FMNL2: variants seen among roughly 807,000 people sequenced by gnomAD.
FMNL2 encodes formin-like protein 2.
Under a neutral mutation model 130.2 loss-of-function variants are expected in FMNL2, and 51 were observed. The observed-to-expected ratio is 0.39, with a 90% CI of 0.31 to 0.49. The LOEUF is 0.49. Among genes scored for constraint, FMNL2 ranks in the 20% least tolerant of loss-of-function variants. FMNL2 has a pLI of 0.85. For synonymous variants in FMNL2, 465 were observed against 467.1 expected (o/e 1.00, Z 0.06); for missense variants, 977 against 1,316.2 (o/e 0.74, Z 3.99).
intron 1 of FMNL2, among the ~76,000 whole-genome samples, chr2:152,437,277 G>A (rs1408184808): frequency 1.3e-5 from 2 of 152,158 alleles, no homozygotes; most frequent in Non-Finnish European, 2.9e-5. Context: ...TATGGATACT[G>A]TGGAGCTAGA....
chr2:152,421,453 C>G (rs1686917960), intron 1 of FMNL2, among the ~76,000 whole-genome samples: 1 of 152,192 alleles, frequency 6.6e-6, no homozygotes, highest in Non-Finnish European at 1.5e-5. Context: ...TGGGGAAACT[C>G]AAGTGCAATT....
chr2:152,417,226 A>G (rs1452617931), intron 1 of FMNL2, among the ~76,000 whole-genome samples: 1 of 152,214 alleles, frequency 6.6e-6, no homozygotes, highest in Admixed American at 6.5e-5. Flanking sequence ...TTGATCTGTG[A>G]ATGGATGCCC....
chr2:152,335,957 C>A (rs141155106), intron 1 of FMNL2, among the ~76,000 whole-genome samples: 1 of 152,034 alleles, frequency 6.6e-6, no homozygotes, highest in African/African-American at 2.4e-5. Flanking sequence ...GGCTGCCCAA[C>A]CAGCCTCGAA....
intron 1 of FMNL2, among the ~76,000 whole-genome samples, chr2:152,480,470 A>G (rs1448375019): frequency 1.3e-5 from 2 of 151,916 alleles, no homozygotes; most frequent in African/African-American, 2.4e-5. Context: ...CCCCGTCTCT[A>G]CTAAAACTAC....
chr2:152,610,043 T>TG (rs1698595411), intron 10 of FMNL2, among the ~76,000 whole-genome samples: 1 of 152,154 alleles, frequency 6.6e-6, no homozygotes, highest in Non-Finnish European at 1.5e-5. Flanking sequence ...GGTGAAGTTG[T>TG]GGGGAGAAAG....
chr2:152,441,414 G>A (rs1211990020), intron 1 of FMNL2, among the ~76,000 whole-genome samples: 1 of 152,192 alleles, frequency 6.6e-6, no homozygotes, highest in Non-Finnish European at 1.5e-5. Context: ...GTGCATGCAT[G>A]TAGTGCTAGC....
At chr2:152,442,323 C>T (rs1688096014) in intron 1 of FMNL2, among the ~76,000 whole-genome samples, 1 of 151,486 alleles carries the variant, frequency 6.6e-6, no homozygotes, top group Admixed American at 6.6e-5. Context: ...GCGATCTTGG[C>T]TTACTGCGAC....
chr2:152,620,925 C>T, intron 15 of FMNL2: 1 of 985,324 alleles, frequency 1.0e-6, no homozygotes, highest in South Asian at 4.7e-5. Flanking sequence ...CTTATTTCTA[C>T]CCTTCAAGAT....
Position 152,581,053 on chromosome 2 carries a change from G to C in FMNL2, c.876+4G>C. 1.9e-6 allele frequency: 3 copies of C among 1,612,478 alleles called. No individual in the cohort carries two copies. The highest frequency in any genetic ancestry group is 1.7e-6 in the Non-Finnish European group (2 of 1,178,868). Reference sequence around the variant, plus strand: ...AGCATTTGATAACTTTAAAGAGGTAGGCTACACTATAGTTTTCATAAGAAT... The same window carrying C: ...AGCATTTGATAACTTTAAAGAGGTACGCTACACTATAGTTTTCATAAGAAT... On this transcript the variant is annotated splice_donor_region_variant and intron_variant, in intron 9 of 25. Transcript: ENST00000288670.
At chr2:152,377,736 A>C (rs903945588) in intron 1 of FMNL2, among the ~76,000 whole-genome samples, 2 of 152,068 alleles carry the variant, frequency 1.3e-5, no homozygotes, top group Non-Finnish European at 2.9e-5. Flanking sequence ...TGTGGCTAGA[A>C]CTCTGGCATC....
At chr2:152,465,838 C>A (rs908909815) in intron 1 of FMNL2, among the ~76,000 whole-genome samples, 9 of 152,242 alleles carry the variant, frequency 5.9e-5, no homozygotes, top group Non-Finnish European at 1.3e-4. Context: ...TTCCCTAAAA[C>A]TTCCTTTCTG....
chr2:152,626,406 G>C (rs143815461), intron 16 of FMNL2, 119 bp from the exon 17 acceptor site: 4 of 781,968 alleles, frequency 5.1e-6, no homozygotes, highest in Non-Finnish European at 8.2e-6. Flanking sequence ...GGAAGCCATG[G>C]CCAAAGACAA....
intron 1 of FMNL2, among the ~76,000 whole-genome samples, chr2:152,478,835 G>A (rs914587006): frequency 6.6e-6 from 1 of 152,084 alleles, no homozygotes; most frequent in African/African-American, 2.4e-5. Context: ...AGCTTATATG[G>A]ATGAAATTAA....
chr2:152,617,392 C>T (rs1273219628), intron 13 of FMNL2, among the ~76,000 whole-genome samples, 200 bp downstream of exon 13: 1 of 152,226 alleles, frequency 6.6e-6, no homozygotes, highest in Non-Finnish European at 1.5e-5. Context: ...CAATCAGATA[C>T]TGGGGGTTCA....
At chr2:152,593,860 AGTGTGTGT>A (rs70974873) in intron 9 of FMNL2, among the ~76,000 whole-genome samples, 177 of 113,230 alleles carry the variant, frequency 1.6e-3, no homozygotes, top group African/African-American at 4.6e-3. Context: ...AGAGAGAGAG[AGTGTGTGT>A]GTGTGTGTGT....
intron 21 of FMNL2, among the ~76,000 whole-genome samples, chr2:152,633,073 G>C (rs1682286139): frequency 6.6e-6 from 1 of 151,166 alleles, no homozygotes; most frequent in South Asian, 2.1e-4. Flanking sequence ...ACAACAATTT[G>C]CATGTCCATT....
chr2:152,465,613 T>G (rs949203041), intron 1 of FMNL2, among the ~76,000 whole-genome samples: 3 of 152,186 alleles, frequency 2.0e-5, no homozygotes, highest in Non-Finnish European at 4.4e-5. Flanking sequence ...TTATTCCAGA[T>G]TTTGTTAGTG....
At chr2:152,426,447 C>G (rs1431001080) in intron 1 of FMNL2, among the ~76,000 whole-genome samples, 1 of 152,210 alleles carries the variant, frequency 6.6e-6, no homozygotes, top group African/African-American at 2.4e-5. Flanking sequence ...AGGCAGGAGC[C>G]ATGTGGCAGT....
Position 152,401,627 on chromosome 2 carries a change from A to T in FMNL2, c.117+65907A>T, listed in dbSNP as rs538052840. Among the ~76,000 whole-genome samples, 8 of 152,246 alleles carry T rather than the reference A, an allele frequency of 5.3e-5. No individual in the cohort carries two copies. The South Asian group carries it at 1.2e-3, about 24-fold the overall frequency. ...AGTTTCATTTGAAATCTTTATTTAG[A>T]GATTGGCCTTGGATTTGGGTGTGCT... On this transcript the variant is annotated intron_variant, in intron 1 of 25. Transcript: ENST00000288670.
Sources: gnomAD v4.1 joint callset for allele counts (sites outside exome capture counted in the v4.1 genomes callset) on GRCh38, gnomAD v4.1.1 for gene constraint, MANE v1.5 for transcripts, NCBI Gene and HGNC (gene_info 2026-07-23, HGNC 2026-07-21) for gene names.